The following STAU2 variants were observed in gnomAD, a reference collection of about 807,000 sequenced individuals.
STAU2 encodes double-stranded RNA-binding protein Staufen homolog 2.
A neutral mutation model predicts 65.9 loss-of-function variants in STAU2; 20 were observed. The ratio of observed to expected loss-of-function variants is 0.30; its 90% CI spans 0.21 to 0.44. The LOEUF (loss-of-function observed/expected upper bound fraction) is 0.44, where lower values mean the gene tolerates loss of function less well. Among genes scored for constraint, STAU2 ranks in the 20% least tolerant of loss-of-function variants. STAU2 has a pLI of 1.00. For missense variants in STAU2, 558 were observed against 683.9 expected (o/e 0.82, Z 2.05); for synonymous variants, 232 against 233.9 (o/e 0.99, Z 0.07).
At position 73,593,880 on chromosome 8, in the gene STAU2, TACACAC is replaced by T. The variant is rs3032945; in HGVS notation, c.1161+1280_1161+1285del. On this transcript the variant is annotated intron_variant, in intron 11 of 14. Coordinates refer to ENST00000524300, the MANE Select transcript of STAU2 (RefSeq NM_001164380.2). ...ATATATACACAGACAGACACACACATACACACACACACACACACACACACACGTTGA... is the reference window on the plus strand; with the variant it reads ...ATATATACACAGACAGACACACACATACACACACACACACACACACGTTGA... Among the ~76,000 whole-genome samples, 270 of 150,040 alleles carry T rather than the reference TACACAC, an allele frequency of 1.8e-3. 6 individuals are homozygous for T. In the South Asian group the frequency reaches 0.03, roughly 16 times the overall value.
intron 13 of STAU2, among the ~76,000 whole-genome samples, chr8:73,447,341 A>T (rs893629027): frequency 6.6e-6 from 1 of 152,172 alleles, no homozygotes; most frequent in Non-Finnish European, 1.5e-5. Context: ...TTCCCACATA[A>T]TAATAATACA....
chr8:73,594,520 A>G (rs868073297), intron 11 of STAU2, among the ~76,000 whole-genome samples: 2 of 152,324 alleles, frequency 1.3e-5, no homozygotes. Flanking sequence ...ATATCCACAG[A>G]TAACAAAATG....
intron 13 of STAU2, among the ~76,000 whole-genome samples, chr8:73,459,397 C>T (rs1026481519): frequency 1.3e-5 from 2 of 152,160 alleles, no homozygotes; most frequent in African/African-American, 4.8e-5. Flanking sequence ...ATAGAAATAG[C>T]CTTTGAGAAT....
chr8:73,627,231 G>GGC (rs1563467173), intron 6 of STAU2, among the ~76,000 whole-genome samples: 1 of 27,234 alleles, frequency 3.7e-5, no homozygotes, highest in Non-Finnish European at 9.2e-5. Context: ...GGAGGGGGGG[G>GGC]CAGGAGGGCG....
At chr8:73,462,348 C>T (rs955313638) in intron 13 of STAU2, among the ~76,000 whole-genome samples, 65 of 151,904 alleles carry the variant, frequency 4.3e-4, no homozygotes, top group African/African-American at 1.5e-3. Flanking sequence ...AAGATCCACC[C>T]GCCTTGGCCT....
At chr8:73,566,250 T>C (rs1156285463) in intron 12 of STAU2, among the ~76,000 whole-genome samples, 4 of 152,204 alleles carry the variant, frequency 2.6e-5, no homozygotes, top group Non-Finnish European at 5.9e-5. Flanking sequence ...AAAAAGCCTG[T>C]TGAGTGTTTT....
chr8:73,687,318 T>A lies in STAU2; in HGVS notation c.274+1336A>T, dbSNP rs1282908249. Among the ~76,000 whole-genome samples the A allele has an allele frequency of 4.2e-5, 5 of 119,156 alleles. No individual in the cohort carries two copies. The South Asian group carries it at 7.5e-4, about 18-fold the overall frequency. 78.2% of individuals were successfully genotyped at this position (119,156 alleles called of 152,430 possible). A position where few individuals can be genotyped will look rare whatever the true frequency, so the allele number is the denominator to read the frequency against. Reference sequence around the variant, plus strand: ...TTTATATTTATAAATATAATTTATATTTATATTTATAAATATAATTTATAT... The same window carrying A: ...TTTATATTTATAAATATAATTTATAATTATATTTATAAATATAATTTATAT... On this transcript the variant is annotated intron_variant, in intron 5 of 14. Transcript: ENST00000524300.
At chr8:73,527,141 T>G (rs566315652) in intron 13 of STAU2, among the ~76,000 whole-genome samples, 1 of 152,348 alleles carries the variant, frequency 6.6e-6, no homozygotes, top group South Asian at 2.1e-4. Context: ...TGTACACGTT[T>G]GTAGTGGGAG....
At chr8:73,742,112 T>TTA in intron 1 of STAU2, 1 of 712,258 alleles carries the variant, frequency 1.4e-6, no homozygotes, top group Non-Finnish European at 1.7e-6. Flanking sequence ...GTGGCACGTC[T>TTA]TTAAGACTCT....
chr8:73,709,681 T>C (rs1471062562), intron 3 of STAU2, among the ~76,000 whole-genome samples: 1 of 151,998 alleles, frequency 6.6e-6, no homozygotes, highest in Non-Finnish European at 1.5e-5. Flanking sequence ...TAACTCCCCT[T>C]TCTGTTTTTT....
At chr8:73,668,985 T>G (rs1396729139) in intron 6 of STAU2, 4 of 695,338 alleles carry the variant, frequency 5.8e-6, no homozygotes, top group Non-Finnish European at 1.0e-5. Context: ...TGATACCTGT[T>G]TCTTGGACTT....
rs750989829 is a variant in STAU2 at position 73,673,211 on chromosome 8, C to A, written c.306G>T (p.Gly102=). The change falls in exon 6 of 15, where the codon GGG becomes GGT. Residue 102 remains glycine (G), a synonymous_variant. Transcript: ENST00000524300. The part of the protein sequence containing the change: ...GSITPTVELN[G]LAMKRGEPAI... The stretch of plus-strand genomic sequence containing the variant: ...CAGGCTCTCCCCTTTTCATAGCAAG[C>A]CCATTCAGTTCCACAGTTGGAGTTA... 1.2e-6 allele frequency: 2 copies of A among 1,601,384 alleles called. No individual in the cohort carries two copies. Among genetic ancestry groups the A allele is most frequent in the East Asian group, 4.5e-5 (2 of 44,672 alleles).
intron 9 of STAU2, among the ~76,000 whole-genome samples, chr8:73,607,457 T>C (rs1449194148): frequency 6.6e-6 from 1 of 151,992 alleles, no homozygotes; most frequent in Non-Finnish European, 1.5e-5. Context: ...AGGCCGGGCG[T>C]GATGGCTCAT....
chr8:73,673,091 A>G lies in STAU2; in HGVS notation c.410+16T>C. Reference sequence around the variant, plus strand: ...AAAATAATAATTAAGAACAAAACCAAAAAAGACATACAAACCTCTGATTGT... The same window carrying G: ...AAAATAATAATTAAGAACAAAACCAGAAAAGACATACAAACCTCTGATTGT... On this transcript the variant is annotated intron_variant, in intron 6 of 14. Coordinates refer to ENST00000524300, the MANE Select transcript of STAU2 (RefSeq NM_001164380.2). The G allele has an allele frequency of 6.5e-7, 1 of 1,540,684 alleles. No homozygotes were observed. The highest frequency in any genetic ancestry group is 8.7e-7 in the Non-Finnish European group (1 of 1,144,952).
intron 13 of STAU2, among the ~76,000 whole-genome samples, chr8:73,467,866 A>G (rs183242474): frequency 3.8e-4 from 58 of 152,300 alleles, no homozygotes; most frequent in Non-Finnish European, 7.5e-4. Flanking sequence ...TATCATGAAA[A>G]TGGCCATACT....
At chr8:73,497,288 A>G (rs1420239068) in intron 13 of STAU2, among the ~76,000 whole-genome samples, 1 of 151,854 alleles carries the variant, frequency 6.6e-6, no homozygotes, top group East Asian at 1.9e-4. Flanking sequence ...TAATCATAAG[A>G]ATTGCAAGAC....
intron 5 of STAU2, among the ~76,000 whole-genome samples, chr8:73,681,814 G>A (rs1211053915): frequency 6.6e-6 from 1 of 152,118 alleles, no homozygotes; most frequent in African/African-American, 2.4e-5. Context: ...CCAAAAGCCA[G>A]CAGGAGTAGC....
At chr8:73,582,537 T>C (rs1481701837) in intron 12 of STAU2, among the ~76,000 whole-genome samples, 2 of 152,076 alleles carry the variant, frequency 1.3e-5, no homozygotes, top group South Asian at 2.1e-4. Context: ...GATCACTACA[T>C]GTATTAAATG....
At chr8:73,464,502 G>A (rs990010545) in intron 13 of STAU2, among the ~76,000 whole-genome samples, 1 of 152,170 alleles carries the variant, frequency 6.6e-6, no homozygotes, top group African/African-American at 2.4e-5. Flanking sequence ...AGAAGCAAAG[G>A]AGGCAGCTCC....
Sources: allele counts gnomAD v4.1 joint callset (sites outside exome capture counted in the v4.1 genomes callset), GRCh38; gene constraint gnomAD v4.1.1; transcripts MANE v1.5; gene names NCBI Gene and HGNC (gene_info 2026-07-23, HGNC 2026-07-21).